MYO7B: variants seen among roughly 807,000 people sequenced by gnomAD.
MYO7B encodes myosin VIIB.
MYO7B carries 212 observed loss-of-function variants against 259.7 expected under a neutral mutation model. The ratio of observed to expected loss-of-function variants is 0.82; its 90% CI spans 0.73 to 0.91. MYO7B has a LOEUF of 0.91. MYO7B is among the 40% of genes least tolerant of loss of function. The pLI, the probability that MYO7B is intolerant of heterozygous loss-of-function variation, is 0.00. For missense variants in MYO7B, 2,732 were observed against 2,813.5 expected, an observed-to-expected ratio of 0.97 and a Z score of 0.66; for synonymous variants, 1,197 against 1,166.4, an observed-to-expected ratio of 1.03 and a Z score of -0.54.
rs534075812 is a variant in MYO7B at position 127,623,616 on chromosome 2, G to A, written c.3819+241G>A. On this transcript the variant is annotated intron_variant, in intron 29 of 47. Transcript: ENST00000409816. Reference sequence around the variant, plus strand: ...GCTGCGCCTCAGCCCCAGCAGTGCCGCATGCACACCTGGTCCCCCACCCAG... The same window carrying A: ...GCTGCGCCTCAGCCCCAGCAGTGCCACATGCACACCTGGTCCCCCACCCAG... Among the ~76,000 whole-genome samples, 13 of 152,186 alleles carry A rather than the reference G, an allele frequency of 8.5e-5. No individual in the cohort carries two copies. In the South Asian group the frequency reaches 1.2e-3, roughly 15 times the overall value.
chr2:127,555,074 A>C (rs1293500713), intron 1 of MYO7B, among the ~76,000 whole-genome samples: 1 of 151,856 alleles, frequency 6.6e-6, no homozygotes, highest in Non-Finnish European at 1.5e-5. Context: ...CAGCCTCCCA[A>C]GTAGCTGGGA....
chr2:127,555,723 G>C (rs919950259), intron 1 of MYO7B, among the ~76,000 whole-genome samples: 2 of 152,154 alleles, frequency 1.3e-5, no homozygotes, highest in Admixed American at 1.3e-4. Context: ...TCCTTTTGGA[G>C]CTGACTTCCA....
At position 127,628,672 on chromosome 2, in the gene MYO7B, G is replaced by A; in HGVS notation, c.4624+137G>A. 2.1e-6 allele frequency: 2 copies of A among 953,240 alleles called. No individual in the cohort carries two copies. The highest frequency in any genetic ancestry group is 2.5e-5 in the Admixed American group (1 of 39,776). The allele number at this position is 953,240 out of a possible 1,614,324, so 59.0% of individuals were successfully genotyped here. A position where few individuals can be genotyped will look rare whatever the true frequency, so the allele number is the denominator to read the frequency against. ...GAGGGAGGGAAGGCCCCAAAGCTCT[G>A]TGGGGGCAGCTTTAGGCAAGGCCCT... On this transcript the variant is annotated intron_variant, in intron 34 of 47. Coordinates refer to ENST00000409816, the MANE Select transcript of MYO7B (RefSeq NM_001393586.1). The surrounding 1 kb of genome is among the most constrained non-coding windows in gnomAD (Gnocchi z 4.8).
rs762621260 is a variant in MYO7B, at chr2:127,582,295, T to A, written c.1201-9T>A. Reference sequence around the variant, plus strand: ...AGCCCAGGATTCTCCCACCCCCGTGTCTCTCCAGGGCATCTATGGGCACCT... The same window carrying A: ...AGCCCAGGATTCTCCCACCCCCGTGACTCTCCAGGGCATCTATGGGCACCT... On this transcript the variant is annotated splice_polypyrimidine_tract_variant and intron_variant, in intron 11 of 47. Transcript: ENST00000409816. The A allele has an allele frequency of 1.9e-6, 3 of 1,612,398 alleles. No homozygotes were observed. Among genetic ancestry groups the A allele is most frequent in the Non-Finnish European group, 2.5e-6 (3 of 1,179,334 alleles).
intron 27 of MYO7B, 57 bp downstream of exon 27, chr2:127,620,523 G>A (rs1680794507): frequency 7.0e-7 from 1 of 1,432,682 alleles, no homozygotes; most frequent in Non-Finnish European, 9.3e-7. Context: ...GGGAGCGTAG[G>A]TGGCCCCTGG....
intron 1 of MYO7B, among the ~76,000 whole-genome samples, chr2:127,554,519 C>G (rs536738728): frequency 6.6e-6 from 1 of 152,322 alleles, no homozygotes; most frequent in East Asian, 1.9e-4. Context: ...CTATGTTCAT[C>G]AAGGATATTA....
chr2:127,579,617 G>T (rs1346660050), intron 9 of MYO7B, among the ~76,000 whole-genome samples: 6 of 151,818 alleles, frequency 4.0e-5, no homozygotes, highest in Admixed American at 6.6e-5. Context: ...ACAGGGTCTT[G>T]CTTTGTTGTC....
In MYO7B at chr2:127,578,209, A is replaced by G. The variant is rs781755966; in HGVS notation, c.926A>G (p.Gln309Arg). 4 of 1,613,882 alleles carry G rather than the reference A, an allele frequency of 2.5e-6. No homozygotes were observed. The highest frequency in any genetic ancestry group is 2.2e-5 in the East Asian group (1 of 44,868). The change falls in exon 9 of 48, where the codon CAG becomes CGG. Residue 309 changes from glutamine to arginine, a missense_variant. Gln to Arg is a conservative substitution (Grantham distance 43). Around this residue, in one of 3 missense-constraint regions of MYO7B, gnomAD observed 1,906 missense variants for 2,026.4 expected, o/e 0.94. Coordinates refer to ENST00000409816, the MANE Select transcript of MYO7B (RefSeq NM_001393586.1). ...AHIRSAMKIL[Q>R]FSDSESWDVI... ...ATCCGCTCGGCCATGAAGATCCTCC[A>G]GTTCTCCGACTCCGAGAGCTGGGAC...
chr2:127,578,615 G>A (rs1023479285), intron 9 of MYO7B, among the ~76,000 whole-genome samples: 40 of 152,064 alleles, frequency 2.6e-4, no homozygotes, highest in African/African-American at 9.2e-4. Flanking sequence ...AGCAAGGGGT[G>A]GTCTGGGGAT....
At chr2:127,569,694 C>A in intron 5 of MYO7B, 95 bp from the exon 6 acceptor site, 1 of 1,464,068 alleles carries the variant, frequency 6.8e-7, no homozygotes, top group East Asian at 2.4e-5. Flanking sequence ...GTCAGACTGG[C>A]TCAGAAAGCA....
Position 127,590,039 on chromosome 2 carries a change from G to A in MYO7B, c.1855-53G>A. On this transcript the variant is annotated intron_variant, in intron 15 of 47. Coordinates refer to ENST00000409816, the MANE Select transcript of MYO7B (RefSeq NM_001393586.1). This position sits in a 1 kb window ranked among gnomAD's most constrained non-coding sequence, Gnocchi z 4.6. ...CCCTTGCTGGCCTACAGGGTCAGCT[G>A]TCCCAGGACATGGCTCCTGAGACCC... The A allele has an allele frequency of 6.5e-7, 1 of 1,546,214 alleles. No homozygotes were observed. The highest frequency in any genetic ancestry group is 8.7e-7 in the Non-Finnish European group (1 of 1,143,086).
chr2:127,559,212 C>T lies in MYO7B; in HGVS notation c.-23-488C>T, dbSNP rs1268124681. ...GGACAGGTTTGAAAGGAGGCAGATC[C>T]GGGTTTGATTCCCAGCTGTGCTACT... On this transcript the variant is annotated intron_variant, in intron 1 of 47. Transcript: ENST00000409816. This position sits in a 1 kb window ranked among gnomAD's most constrained non-coding sequence, Gnocchi z 4.1. Among the ~76,000 whole-genome samples, 1 of 152,200 alleles carries T rather than the reference C, an allele frequency of 6.6e-6. No homozygotes were observed.
chr2:127,623,508 A>G, intron 29 of MYO7B, 133 bp downstream of exon 29: 3 of 962,070 alleles, frequency 3.1e-6, no homozygotes, highest in Non-Finnish European at 1.5e-6. Context: ...AGCACTGCTT[A>G]CCCTCCCAGC....
chr2:127,617,444 T>C (rs1023006471), intron 26 of MYO7B, among the ~76,000 whole-genome samples: 1 of 151,716 alleles, frequency 6.6e-6, no homozygotes, highest in African/African-American at 2.4e-5. Context: ...ACCAGTACCT[T>C]TTTAAAGCAC....
At chr2:127,540,451 A>G (rs1573598818) in intron 1 of MYO7B, among the ~76,000 whole-genome samples, 1 of 152,170 alleles carries the variant, frequency 6.6e-6, no homozygotes, top group Admixed American at 6.5e-5. Flanking sequence ...GGCGTGAGCC[A>G]CCGCGCCCAG....
Position 127,609,491 on chromosome 2 carries a change from C to T in MYO7B, c.2815-15C>T, listed in dbSNP as rs754138262. The T allele has an allele frequency of 1.3e-5, 21 of 1,603,510 alleles. No homozygotes were observed. Among genetic ancestry groups the T allele is most frequent in the Non-Finnish European group, 1.7e-5 (20 of 1,174,910 alleles). On this transcript the variant is annotated splice_polypyrimidine_tract_variant and intron_variant, in intron 22 of 47. Transcript: ENST00000409816. This position sits in a 1 kb window ranked among gnomAD's most constrained non-coding sequence, Gnocchi z 6.9. ...GAAAGCCCTGCTGACCCGTGTTCTC[C>T]CTCAATGGCCGTAGGATCTGGAATC...
At position 127,609,237 on chromosome 2, in the gene MYO7B, T is replaced by C. The variant is rs1680279942; in HGVS notation, c.2815-269T>C. Among the ~76,000 whole-genome samples the C allele has an allele frequency of 6.6e-6, 1 of 151,600 alleles. No individual in the cohort carries two copies. The highest frequency in any genetic ancestry group is 1.5e-5 in the Non-Finnish European group (1 of 67,828). Reference sequence around the variant, plus strand: ...AGGAAGCTGCAGTGAGGATGGTGCATGCGGCAGAGGACACAGTGTCTGAGC... The same window carrying C: ...AGGAAGCTGCAGTGAGGATGGTGCACGCGGCAGAGGACACAGTGTCTGAGC... On this transcript the variant is annotated intron_variant, in intron 22 of 47. Transcript: ENST00000409816. This position sits in a 1 kb window ranked among gnomAD's most constrained non-coding sequence, Gnocchi z 6.9.
intron 41 of MYO7B, 88 bp downstream of exon 41, chr2:127,634,377 G>A: frequency 9.1e-7 from 1 of 1,097,638 alleles, no homozygotes; most frequent in Non-Finnish European, 1.3e-6. Flanking sequence ...CAGCCTACCA[G>A]GGGCACCCAT....
At position 127,593,535 on chromosome 2, in the gene MYO7B, G is replaced by A; in HGVS notation, c.2146-11G>A. ...CCACCTCCCACCGATACCCCCGTTTGGTCTTGGCAGCTGCAAGGCAAGCTC... is the reference window on the plus strand; with the variant it reads ...CCACCTCCCACCGATACCCCCGTTTAGTCTTGGCAGCTGCAAGGCAAGCTC... On this transcript the variant is annotated splice_polypyrimidine_tract_variant and intron_variant, in intron 17 of 47. Transcript: ENST00000409816. 2 of 1,612,108 alleles carry A rather than the reference G, an allele frequency of 1.2e-6. No individual in the cohort carries two copies. Among genetic ancestry groups the A allele is most frequent in the South Asian group, 2.2e-5 (2 of 90,954 alleles).
Sources: allele counts gnomAD v4.1 joint callset (sites outside exome capture counted in the v4.1 genomes callset), GRCh38; gene constraint gnomAD v4.1.1; regional missense constraint gnomAD v4.1.1; non-coding constraint Gnocchi (gnomAD v3.1); transcripts MANE v1.5; gene names NCBI Gene and HGNC (gene_info 2026-07-23, HGNC 2026-07-21).